ABI3BP: variants seen among roughly 807,000 people sequenced by gnomAD.
ABI3BP encodes the protein ABI family member 3 binding protein.
In ABI3BP, 216 loss-of-function variants were observed where a neutral mutation model predicts 268.6. The ratio of observed to expected loss-of-function variants is 0.80; its 90% CI spans 0.72 to 0.90. The LOEUF (loss-of-function observed/expected upper bound fraction) is 0.90, where lower values mean the gene tolerates loss of function less well. Ranked by LOEUF, ABI3BP falls within the 40% of genes least tolerant of loss-of-function variation. ABI3BP has a pLI of 0.00. For synonymous variants in ABI3BP, 730 were observed against 730.0 expected (o/e 1.00, Z 0.00); for missense variants, 2,090 against 2,182.4 (o/e 0.96, Z 0.84).
At chr3:100,814,208 T>A (rs189575130) in intron 44 of ABI3BP, among the ~76,000 whole-genome samples, 1 of 152,226 alleles carries the variant, frequency 6.6e-6, no homozygotes, top group East Asian at 1.9e-4. Flanking sequence ...TGATTCAAAA[T>A]GTCCTTCTGA....
rs115899157 is a variant in ABI3BP, at chr3:100,922,603, G to A, written c.259+3699C>T. Among the ~76,000 whole-genome samples, 733 of 151,956 alleles carry A rather than the reference G, an allele frequency of 4.8e-3. 9 individuals carry two copies. The highest frequency in any genetic ancestry group is 0.016 in the African/African-American group (663 of 41,386). ...GATGGTGATGGTGATGTGACGTGACGTGATGTGATAAGGGCTTGACCCACT... is the reference window on the plus strand; with the variant it reads ...GATGGTGATGGTGATGTGACGTGACATGATGTGATAAGGGCTTGACCCACT... On this transcript the variant is annotated intron_variant, in intron 2 of 67. Transcript: ENST00000471714.
intron 3 of ABI3BP, among the ~76,000 whole-genome samples, chr3:100,899,779 A>G (rs1456987676): frequency 6.6e-6 from 1 of 152,114 alleles, no homozygotes; most frequent in Non-Finnish European, 1.5e-5. Context: ...AAACATACAT[A>G]CTCTGTATTG....
At chr3:100,926,118 A>T (rs145598643) in intron 2 of ABI3BP, among the ~76,000 whole-genome samples, 184 bp downstream of exon 2, 4 of 152,116 alleles carry the variant, frequency 2.6e-5, no homozygotes, top group Non-Finnish European at 5.9e-5. Context: ...GCATGTAATA[A>T]TTTTTTTAAT....
chr3:100,818,774 T>C (rs559954365), intron 40 of ABI3BP, among the ~76,000 whole-genome samples, 193 bp from the exon 41 acceptor site: 5 of 152,282 alleles, frequency 3.3e-5, no homozygotes, highest in African/African-American at 1.2e-4. Flanking sequence ...CCTACACAAT[T>C]TGGCACACAT....
rs113131763 is a variant in ABI3BP, at chr3:100,749,794, A to G, written c.*701T>C. On this transcript the variant is annotated 3_prime_UTR_variant, in exon 68 of 68. Transcript: ENST00000471714. The stretch of plus-strand genomic sequence containing the variant: ...AGCATATTCAGATATTGTAACATTT[A>G]TGGTGGGTAAAAATGTATCTTTTGA... 7 of 397,878 alleles carry G rather than the reference A, an allele frequency of 1.8e-5. No homozygotes were observed. The highest frequency in any genetic ancestry group is 6.2e-5 in the African/African-American group (3 of 48,734). 24.6% of individuals were successfully genotyped at this position (397,878 alleles called of 1,614,324 possible).
rs2098027871 is a variant in ABI3BP, at chr3:100,815,976, C to T, written c.3230-5G>A. ...GTTCAAAGCCTGTAACAGAAACTAACCAAAAGCAACAACATGAATACAAGA... is the reference window on the plus strand; with the variant it reads ...GTTCAAAGCCTGTAACAGAAACTAATCAAAAGCAACAACATGAATACAAGA... On this transcript the variant is annotated splice_polypyrimidine_tract_variant and splice_region_variant and intron_variant, in intron 43 of 67. Coordinates refer to ENST00000471714, the MANE Select transcript of ABI3BP (RefSeq NM_001375547.2). 1.3e-6 allele frequency: 2 copies of T among 1,509,798 alleles called. No homozygotes were observed. The highest frequency in any genetic ancestry group is 2.8e-5 in the African/African-American group (2 of 71,416). 93.5% of individuals were successfully genotyped at this position (1,509,798 alleles called of 1,614,324 possible).
intron 66 of ABI3BP, among the ~76,000 whole-genome samples, chr3:100,752,311 T>C (rs2095378724): frequency 6.6e-6 from 1 of 152,216 alleles, no homozygotes; most frequent in African/African-American, 2.4e-5. Flanking sequence ...CTGAAAAAAA[T>C]CTACTTTTTA....
At chr3:100,867,345 C>T (rs72926257) in intron 9 of ABI3BP, among the ~76,000 whole-genome samples, 1 of 151,754 alleles carries the variant, frequency 6.6e-6, no homozygotes, top group Non-Finnish European at 1.5e-5. Flanking sequence ...AAAAATCAAC[C>T]TATAGAAAAT....
At chr3:100,938,763 C>T (rs1011603221) in intron 1 of ABI3BP, among the ~76,000 whole-genome samples, 4 of 152,122 alleles carry the variant, frequency 2.6e-5, no homozygotes, top group African/African-American at 9.7e-5. Context: ...TTCACCAGTG[C>T]TGAAACAGCA....
intron 9 of ABI3BP, among the ~76,000 whole-genome samples, chr3:100,872,695 C>T (rs534332365): frequency 1.8e-4 from 27 of 152,284 alleles, no homozygotes; most frequent in African/African-American, 5.5e-4. Flanking sequence ...TTTAACTCTT[C>T]CAAACACAGA....
chr3:100,773,589 T>C (rs1355320783), intron 61 of ABI3BP, among the ~76,000 whole-genome samples: 1 of 152,188 alleles, frequency 6.6e-6, no homozygotes, highest in Non-Finnish European at 1.5e-5. Context: ...AGCCACCCCT[T>C]CCTAGGTATT....
intron 1 of ABI3BP, among the ~76,000 whole-genome samples, chr3:100,942,748 A>G (rs978744507): frequency 6.6e-6 from 1 of 152,090 alleles, no homozygotes; most frequent in African/African-American, 2.4e-5. Flanking sequence ...CCCATCCCAG[A>G]CCTATTGAAT....
chr3:100,752,816 T>C lies in ABI3BP; in HGVS notation c.5093A>G (p.Tyr1698Cys). Residue 1698 changes from tyrosine to cysteine, a missense_variant, in exon 66 of 68, where the codon TAC (tyrosine) becomes TGC (cysteine). Tyr to Cys is a radical substitution (Grantham distance 194). Transcript: ENST00000471714. ...VGVQLCNSLR[Y>C]KIYLSDSLTG... ...GAGGGAGTCGCTCAAGTAAATCTTG[T>C]ATCTGAGAGAGTTGCACAGCTGCAC... is the stretch of plus-strand genomic sequence containing the variant. 1 of 1,613,442 alleles carries C rather than the reference T, an allele frequency of 6.2e-7. No individual in the cohort carries two copies. Among genetic ancestry groups the C allele is most frequent in the Non-Finnish European group, 8.5e-7 (1 of 1,179,678 alleles).
At chr3:100,930,288 C>A (rs1328059809) in intron 1 of ABI3BP, among the ~76,000 whole-genome samples, 1 of 151,844 alleles carries the variant, frequency 6.6e-6, no homozygotes, top group African/African-American at 2.4e-5. Flanking sequence ...AGGAACAAAG[C>A]ATATGTCAAC....
chr3:100,837,187 T>C lies in ABI3BP; in HGVS notation c.2084-16A>G. 1 of 1,529,824 alleles carries C rather than the reference T, an allele frequency of 6.5e-7. No homozygotes were observed. The highest frequency in any genetic ancestry group is 8.7e-7 in the Non-Finnish European group (1 of 1,143,576). 94.8% of individuals were successfully genotyped at this position (1,529,824 alleles called of 1,614,324 possible). On this transcript the variant is annotated splice_polypyrimidine_tract_variant and intron_variant, in intron 26 of 67. Transcript: ENST00000471714. Reference sequence around the variant, plus strand: ...GGCTCAGAGACTGCATCATAAAAAATAAACAGATATAAGTAATAAAAGCAA... The same window carrying C: ...GGCTCAGAGACTGCATCATAAAAAACAAACAGATATAAGTAATAAAAGCAA...
At chr3:100,788,172 A>T (rs2097105420) in intron 56 of ABI3BP, among the ~76,000 whole-genome samples, 1 of 152,144 alleles carries the variant, frequency 6.6e-6, no homozygotes, top group African/African-American at 2.4e-5. Flanking sequence ...CAAAATCTGA[A>T]ATGTATTTGT....
chr3:100,887,366 C>T (rs1308393249), intron 4 of ABI3BP, among the ~76,000 whole-genome samples: 2 of 152,016 alleles, frequency 1.3e-5, no homozygotes, highest in Non-Finnish European at 2.9e-5. Flanking sequence ...CTATCATTTA[C>T]ATAAATATTC....
At chr3:100,795,902 C>A in intron 52 of ABI3BP, 51 bp from the exon 53 acceptor site, 3 of 1,221,900 alleles carry the variant, frequency 2.5e-6, no homozygotes, top group Non-Finnish European at 3.2e-6. Flanking sequence ...TACTACCTGG[C>A]AAAGTCAAAA....
rs2056603578 is a variant in ABI3BP, at chr3:100,911,799, A to T, written c.260-9113T>A. The T allele has an allele frequency of 3.6e-6, 5 of 1,404,720 alleles. No individual in the cohort carries two copies. In the African/African-American group the frequency reaches 4.2e-5, roughly 12 times the overall value. The allele number at this position is 1,404,720 out of a possible 1,614,324, so 87.0% of individuals were successfully genotyped here. A position where few individuals can be genotyped will look rare whatever the true frequency, so the allele number is the denominator to read the frequency against. On this transcript the variant is annotated intron_variant, in intron 2 of 67. Coordinates refer to ENST00000471714, the MANE Select transcript of ABI3BP (RefSeq NM_001375547.2). ...TATACTTGGTGTTAATAGCAGAAAA[A>T]TAAGTTCTTGGTTTGAAAAATGCTC...
Sources: allele counts gnomAD v4.1 joint callset (sites outside exome capture counted in the v4.1 genomes callset), GRCh38; gene constraint gnomAD v4.1.1; transcripts MANE v1.5; gene names NCBI Gene and HGNC (gene_info 2026-07-23, HGNC 2026-07-21).